Variants in CCDC60 observed in about 807,000 individuals in gnomAD.
CCDC60 encodes the protein coiled-coil domain-containing protein 60.
CCDC60 carries 54 observed loss-of-function variants against 63.5 expected under a neutral mutation model. The observed-to-expected ratio is 0.85, with a 90% CI of 0.68 to 1.07. The LOEUF is 1.07. Ranked by LOEUF, CCDC60 falls within the 50% of genes least tolerant of loss-of-function variation. The pLI is 0.00. For synonymous variants in CCDC60, 206 were observed against 238.8 expected (o/e 0.86, Z 1.27); for missense variants, 651 against 684.3 (o/e 0.95, Z 0.54).
intron 1 of CCDC60, among the ~76,000 whole-genome samples, chr12:119,406,200 T>TAGAG (rs1565991424): frequency 7.3e-6 from 1 of 136,468 alleles, no homozygotes; most frequent in African/African-American, 2.6e-5. Context: ...TAGATATATA[T>TAGAG]ATATAGAGAG....
At chr12:119,475,465 T>C (rs901004852) in intron 3 of CCDC60, among the ~76,000 whole-genome samples, 1 of 152,240 alleles carries the variant, frequency 6.6e-6, no homozygotes, top group African/African-American at 2.4e-5. Flanking sequence ...TCGCTCCTCT[T>C]GTAGACTTTG....
At chr12:119,510,565 C>T (rs1952188491) in intron 7 of CCDC60, among the ~76,000 whole-genome samples, 1 of 152,102 alleles carries the variant, frequency 6.6e-6, no homozygotes, top group Non-Finnish European at 1.5e-5. Context: ...AGGCCCTTCT[C>T]ATGGCTCAGT....
At chr12:119,431,525 C>T (rs2136238348) in intron 2 of CCDC60, among the ~76,000 whole-genome samples, 1 of 152,290 alleles carries the variant, frequency 6.6e-6, no homozygotes, top group Admixed American at 6.5e-5. Context: ...TTGCAGTCTC[C>T]AGCTGCATGA....
rs1955941349 is a variant in CCDC60, at chr12:119,375,401, A to G, written c.90+40135A>G. On this transcript the variant is annotated intron_variant, in intron 1 of 13. Coordinates refer to ENST00000327554, the MANE Select transcript of CCDC60 (RefSeq NM_178499.5). ...AAGAATTGGGAAGCAGATGCATACA[A>G]TCAGCTCTCATGCAATCACCCTCAC... is the stretch of plus-strand genomic sequence containing the variant. 1.3e-5 allele frequency among the ~76,000 whole-genome samples: 2 copies of G among 152,196 alleles called. 1 individual carries two copies. The highest frequency in any genetic ancestry group is 1.3e-4 in the Admixed American group (2 of 15,280).
chr12:119,516,715 C>G lies in CCDC60; in HGVS notation c.968+8C>G, dbSNP rs774298744. 2 of 1,581,800 alleles carry G rather than the reference C, an allele frequency of 1.3e-6. No individual in the cohort carries two copies. The highest frequency in any genetic ancestry group is 2.7e-5 in the African/African-American group (2 of 74,188). On this transcript the variant is annotated splice_region_variant and intron_variant, in intron 8 of 13. Transcript: ENST00000327554. ...GCAAAGAAAAGCACCCAGGTATGTG[C>G]TCTTGACTCCTGGGGCAAATAAAGC...
intron 2 of CCDC60, chr12:119,433,543 A>T (rs772543678): frequency 1.0e-5 from 7 of 702,376 alleles, no homozygotes; most frequent in Middle Eastern, 2.3e-4. Context: ...TCAGAAGGAA[A>T]CACCATGTTT....
intron 1 of CCDC60, among the ~76,000 whole-genome samples, chr12:119,364,051 A>T (rs1208200993): frequency 1.3e-5 from 2 of 152,158 alleles, no homozygotes. Context: ...TTGCTGTTGC[A>T]ATGAAAACAA....
chr12:119,479,484 C>T (rs1458465672), intron 4 of CCDC60: 1 of 380,888 alleles, frequency 2.6e-6, no homozygotes, highest in East Asian at 5.9e-5. Context: ...AATCTGTCTA[C>T]AGCCCTCATC....
At position 119,335,043 on chromosome 12, in the gene CCDC60, G is replaced by A. The variant is rs1955456091; in HGVS notation, c.-134G>A. 3.0e-6 allele frequency: 2 copies of A among 663,084 alleles called. No homozygotes were observed. The highest frequency in any genetic ancestry group is 1.8e-5 in the African/African-American group (1 of 54,734). The allele number at this position is 663,084 out of a possible 1,614,324, so 41.1% of individuals were successfully genotyped here. ...TTACTCTTCAGAAGGAAACCGCTTT[G>A]GAGTTCGTGTAATTGGGACTTGGGG... On this transcript the variant is annotated 5_prime_UTR_variant, in exon 1 of 14. Transcript: ENST00000327554.
intron 3 of CCDC60, among the ~76,000 whole-genome samples, chr12:119,477,803 G>A (rs1202923950): frequency 6.6e-6 from 1 of 152,128 alleles, no homozygotes; most frequent in African/African-American, 2.4e-5. Flanking sequence ...CACAGGTCCC[G>A]AGTGGCCAGA....
intron 1 of CCDC60, among the ~76,000 whole-genome samples, chr12:119,383,985 A>G (rs1565978540): frequency 6.6e-6 from 1 of 152,158 alleles, no homozygotes; most frequent in Non-Finnish European, 1.5e-5. Context: ...TCACGAGGTC[A>G]GGAGATTGAG....
intron 11 of CCDC60, among the ~76,000 whole-genome samples, chr12:119,528,183 A>G (rs1330779190): frequency 3.3e-5 from 5 of 152,132 alleles, no homozygotes; most frequent in Admixed American, 1.3e-4. Context: ...GAGACAGAAC[A>G]TAGGCACAAG....
At position 119,530,386 on chromosome 12, in the gene CCDC60, A is replaced by T. The variant is rs138199046; in HGVS notation, c.1362-488A>T. On this transcript the variant is annotated intron_variant, in intron 12 of 13. Coordinates refer to ENST00000327554, the MANE Select transcript of CCDC60 (RefSeq NM_178499.5). ...TTCTTCAAGGATGGATTCCAAAACTACTCTCACATTCACATAACACTGAAA... is the reference window on the plus strand; with the variant it reads ...TTCTTCAAGGATGGATTCCAAAACTTCTCTCACATTCACATAACACTGAAA... Among the ~76,000 whole-genome samples the T allele has an allele frequency of 4.3e-3, 658 of 151,848 alleles. 9 individuals are homozygous for T. Among genetic ancestry groups the T allele is most frequent in the African/African-American group, 0.015 (625 of 41,382 alleles).
At chr12:119,366,558 T>A (rs1453547807) in intron 1 of CCDC60, among the ~76,000 whole-genome samples, 1 of 152,128 alleles carries the variant, frequency 6.6e-6, no homozygotes, top group Non-Finnish European at 1.5e-5. Context: ...GAAACCCCAC[T>A]TTGACACACA....
At chr12:119,360,123 C>G in intron 1 of CCDC60, among the ~76,000 whole-genome samples, 1 of 151,536 alleles carries the variant, frequency 6.6e-6, no homozygotes, top group East Asian at 2.0e-4. Flanking sequence ...GGCAGAGGCA[C>G]CCCTCACCTC....
At chr12:119,391,268 T>C (rs1956153290) in intron 1 of CCDC60, among the ~76,000 whole-genome samples, 1 of 152,174 alleles carries the variant, frequency 6.6e-6, no homozygotes, top group Non-Finnish European at 1.5e-5. Context: ...TCTATGTGTA[T>C]GTGTGTGTGT....
At chr12:119,498,560 C>A (rs1457967820) in intron 5 of CCDC60, among the ~76,000 whole-genome samples, 6 of 152,132 alleles carry the variant, frequency 3.9e-5, no homozygotes, top group Non-Finnish European at 5.9e-5. Context: ...TGGTCTCGAA[C>A]TTCTCATCTC....
At chr12:119,516,767 G>A (rs1952366282) in intron 8 of CCDC60, 60 bp downstream of exon 8, 19 of 1,172,468 alleles carry the variant, frequency 1.6e-5, no homozygotes, top group Non-Finnish European at 2.3e-5. Context: ...CACATTAACA[G>A]TAGTAGTTGC....
intron 2 of CCDC60, among the ~76,000 whole-genome samples, chr12:119,453,976 T>C (rs1048267711): frequency 6.6e-6 from 1 of 152,160 alleles, no homozygotes; most frequent in Non-Finnish European, 1.5e-5. Flanking sequence ...ACAGCTCCAG[T>C]GTGCTAGGCA....
Sources: allele counts gnomAD v4.1 joint callset (sites outside exome capture counted in the v4.1 genomes callset), GRCh38; gene constraint gnomAD v4.1.1; transcripts MANE v1.5; gene names NCBI Gene and HGNC (gene_info 2026-07-23, HGNC 2026-07-21).